Variants in CTSK observed in about 807,000 individuals in gnomAD.
The protein encoded by CTSK is cathepsin K.
CTSK carries 26 observed loss-of-function variants against 40.5 expected under a neutral mutation model. That is an observed-to-expected ratio of 0.64 (90% confidence interval 0.47 to 0.89). The LOEUF (loss-of-function observed/expected upper bound fraction) is 0.89, where lower values mean the gene tolerates loss of function less well. Among genes scored for constraint, CTSK ranks in the 40% least tolerant of loss-of-function variants. The probability of loss-of-function intolerance (pLI) is 0.00; values close to 1 mark genes in which losing one functional copy is unlikely to be tolerated. For missense variants in CTSK, 292 were observed against 400.1 expected (o/e 0.73, Z 2.30); for synonymous variants, 132 against 143.2 (o/e 0.92, Z 0.56).
rs1250589075 is a variant in CTSK at position 150,796,632 on chromosome 1, G to T, written c.*167C>A. ...AAGGTCATGGGTGGAGAGAAGCAAAGTAGGAAGGATCATTTGAAGCACAAA... is the reference window on the plus strand; with the variant it reads ...AAGGTCATGGGTGGAGAGAAGCAAATTAGGAAGGATCATTTGAAGCACAAA... On this transcript the variant is annotated 3_prime_UTR_variant, in exon 8 of 8. Transcript: ENST00000271651. The T allele has an allele frequency of 2.7e-6, 2 of 729,830 alleles. No homozygotes were observed. Among genetic ancestry groups the T allele is most frequent in the Non-Finnish European group, 5.0e-6 (2 of 401,600 alleles). The allele number at this position is 729,830 out of a possible 1,614,324, so 45.2% of individuals were successfully genotyped here. A position where few individuals can be genotyped will look rare whatever the true frequency, so the allele number is the denominator to read the frequency against.
chr1:150,804,913 T>C (rs1654055685), intron 4 of CTSK, among the ~76,000 whole-genome samples: 1 of 152,282 alleles, frequency 6.6e-6, no homozygotes, highest in African/African-American at 2.4e-5. Flanking sequence ...GAATGTAAGA[T>C]TGCAAAAACT....
intron 2 of CTSK, 95 bp from the exon 3 acceptor site, chr1:150,806,319 A>T (rs374906814): frequency 7.0e-7 from 1 of 1,432,612 alleles, no homozygotes; most frequent in Non-Finnish European, 9.6e-7. Flanking sequence ...ACTCACAATC[A>T]TAAAAGTTTA....
Position 150,796,675 on chromosome 1 carries a change from C to G in CTSK, c.*124G>C. 2.5e-6 allele frequency: 2 copies of G among 802,248 alleles called. No homozygotes were observed. The highest frequency in any genetic ancestry group is 4.8e-5 in the East Asian group (2 of 41,296). 49.7% of individuals were successfully genotyped at this position (802,248 alleles called of 1,614,324 possible). On this transcript the variant is annotated 3_prime_UTR_variant, in exon 8 of 8. Coordinates refer to ENST00000271651, the MANE Select transcript of CTSK (RefSeq NM_000396.4). ...AGCACAAACAAATGGGGAAACTGAA[C>G]AGACAATCTCAGTATCACCACATCT...
At chr1:150,797,050 G>A in intron 7 of CTSK, 152 bp from the exon 8 acceptor site, 1 of 693,902 alleles carries the variant, frequency 1.4e-6, no homozygotes, top group Non-Finnish European at 2.6e-6. Flanking sequence ...ATAGGGAGAA[G>A]GCATAATACT....
chr1:150,799,159 C>T lies in CTSK; in HGVS notation c.890+9G>A. 1 of 1,551,056 alleles carries T rather than the reference C, an allele frequency of 6.4e-7. No homozygotes were observed. Among genetic ancestry groups the T allele is most frequent in the East Asian group, 2.2e-5 (1 of 44,558 alleles). ...GACTGAATAACAAAAGTAGTGTTCC[C>T]ATCATTACCTGTTTTTAATTATCCA... On this transcript the variant is annotated intron_variant, in intron 7 of 7. Transcript: ENST00000271651.
At chr1:150,796,966 T>C (rs1398078195) in intron 7 of CTSK, 68 bp from the exon 8 acceptor site, 1 of 1,119,766 alleles carries the variant, frequency 8.9e-7, no homozygotes, top group East Asian at 2.4e-5. Context: ...ATTTACTGAG[T>C]ATTGTGCGAG....
chr1:150,808,149 T>A (rs1571129741), intron 1 of CTSK, 65 bp downstream of exon 1: 1 of 152,206 alleles, frequency 6.6e-6, no homozygotes, highest in African/African-American at 2.4e-5. Flanking sequence ...AGTCACTACA[T>A]CCCTAATACT....
intron 5 of CTSK, among the ~76,000 whole-genome samples, chr1:150,802,214 G>A (rs1470580136): frequency 6.7e-6 from 1 of 149,690 alleles, no homozygotes; most frequent in East Asian, 2.0e-4. Flanking sequence ...GGAGGTGGAG[G>A]TTGCAGTGAG....
chr1:150,802,874 G>A (rs1014873707), intron 5 of CTSK, among the ~76,000 whole-genome samples: 17 of 151,978 alleles, frequency 1.1e-4, no homozygotes, highest in African/African-American at 3.6e-4. Context: ...CTCCAGCCTG[G>A]GCAACAGAGT....
intron 5 of CTSK, chr1:150,800,659 T>C: frequency 4.7e-6 from 1 of 213,728 alleles, no homozygotes; most frequent in Non-Finnish European, 1.0e-5. Flanking sequence ...TTCAGAACCC[T>C]AAGGTTGCAT....
intron 5 of CTSK, among the ~76,000 whole-genome samples, chr1:150,803,816 A>G (rs1194776377): frequency 6.6e-6 from 1 of 152,170 alleles, no homozygotes; most frequent in Admixed American, 6.5e-5. Context: ...CATGGCAGAG[A>G]TGCAAATAGG....
rs778613312 is a variant in CTSK, at chr1:150,804,923, T to A, written c.400-684A>T. Among the ~76,000 whole-genome samples the A allele has an allele frequency of 3.9e-5, 6 of 152,250 alleles. No homozygotes were observed. In the East Asian group the frequency reaches 9.6e-4, roughly 24 times the overall value. ...AGTAAGAATGTAAGATTGCAAAAAC[T>A]TTTTTGGGCTGGGCATGGTGGCTCA... On this transcript the variant is annotated intron_variant, in intron 4 of 7. Coordinates refer to ENST00000271651, the MANE Select transcript of CTSK (RefSeq NM_000396.4).
intron 5 of CTSK, among the ~76,000 whole-genome samples, chr1:150,801,754 T>G (rs910560377): frequency 1.1e-4 from 16 of 151,594 alleles, no homozygotes; most frequent in South Asian, 4.2e-4. Flanking sequence ...TTAGCCAGGA[T>G]GGTCTTGATC....
intron 5 of CTSK, among the ~76,000 whole-genome samples, chr1:150,803,730 T>G (rs1241704804): frequency 1.3e-5 from 2 of 151,810 alleles, no homozygotes; most frequent in African/African-American, 4.8e-5. Context: ...GTTGTGGGAG[T>G]GAGGAATTGA....
intron 1 of CTSK, among the ~76,000 whole-genome samples, chr1:150,807,596 G>A (rs1654135213): frequency 6.6e-6 from 1 of 152,198 alleles, no homozygotes; most frequent in East Asian, 1.9e-4. Context: ...TGTTCAGACT[G>A]AAAAGCAATG....
intron 2 of CTSK, 40 bp downstream of exon 2, chr1:150,806,646 C>T: frequency 8.1e-6 from 13 of 1,612,760 alleles, no homozygotes; most frequent in Non-Finnish European, 1.1e-5. Flanking sequence ...GAGCTCAGGT[C>T]TCAGCCTTCC....
chr1:150,805,756 C>T, intron 4 of CTSK, 105 bp downstream of exon 4: 1 of 1,133,518 alleles, frequency 8.8e-7, no homozygotes. Context: ...TACCTTAATT[C>T]CTTGCCCTCT....
chr1:150,799,752 G>A (rs1653950612), intron 5 of CTSK, 43 bp from the exon 6 acceptor site: 1 of 1,579,410 alleles, frequency 6.3e-7, no homozygotes, highest in South Asian at 1.1e-5. Flanking sequence ...CAAAGCAATA[G>A]GCAATGAGTC....
chr1:150,802,246 C>G (rs1299507323), intron 5 of CTSK, among the ~76,000 whole-genome samples: 1 of 139,972 alleles, frequency 7.1e-6, no homozygotes, highest in Non-Finnish European at 1.5e-5. Flanking sequence ...CCACTGCACT[C>G]AAGCCTAGGT....
Sources: gnomAD v4.1 joint callset for allele counts (sites outside exome capture counted in the v4.1 genomes callset) on GRCh38, gnomAD v4.1.1 for gene constraint, MANE v1.5 for transcripts, NCBI Gene and HGNC (gene_info 2026-07-23, HGNC 2026-07-21) for gene names.